NDE1: variants seen among roughly 807,000 people sequenced by gnomAD.
The protein encoded by NDE1 is nuclear distribution protein nudE homolog 1.
NDE1 carries 28 observed loss-of-function variants against 43.4 expected under a neutral mutation model. That is an observed-to-expected ratio of 0.65 (90% confidence interval 0.48 to 0.89). The LOEUF (loss-of-function observed/expected upper bound fraction) is 0.89. NDE1 is among the 40% of genes least tolerant of loss of function. The pLI, the probability that NDE1 is intolerant of heterozygous loss-of-function variation, is 0.00. For synonymous variants in NDE1, 184 were observed against 172.0 expected, an observed-to-expected ratio of 1.07 and a Z score of -0.55; for missense variants, 441 against 434.1, an observed-to-expected ratio of 1.02 and a Z score of -0.14.
At chr16:15,673,647 C>T (rs1008233775) in intron 3 of NDE1, among the ~76,000 whole-genome samples, 1 of 151,822 alleles carries the variant, frequency 6.6e-6, no homozygotes, top group Non-Finnish European at 1.5e-5. Context: ...GTCCTCCCAC[C>T]TCAGCCTCCC....
At chr16:15,664,634 C>G in intron 1 of NDE1, 102 bp from the exon 2 acceptor site, 2 of 704,858 alleles carry the variant, frequency 2.8e-6, no homozygotes. Flanking sequence ...GGATTATAGG[C>G]GTGAGCCACC....
intron 8 of NDE1, among the ~76,000 whole-genome samples, chr16:15,709,340 A>G (rs748076191): frequency 3.3e-5 from 5 of 151,480 alleles, no homozygotes; most frequent in Non-Finnish European, 5.9e-5. Flanking sequence ...CAGTTTTTTG[A>G]TACTCTGTCA....
rs138227089 is a variant in NDE1 at position 15,700,184 on chromosome 16, C to T, written c.947+3324C>T. ...TGATCTCAGCTCACTGCAACCTCCG[C>T]CTCCTGGGTTCAAACGGTTCTTGTT... is the stretch of plus-strand genomic sequence containing the variant. On this transcript the variant is annotated intron_variant, in intron 8 of 8. Transcript: ENST00000396354. 5.2e-3 allele frequency: 4,610 copies of T among 879,972 alleles called. 19 individuals are homozygous for T. Among genetic ancestry groups the T allele is most frequent in the Non-Finnish European group, 5.9e-3 (4,273 of 724,898 alleles). The allele number at this position is 879,972 out of a possible 1,614,324, so 54.5% of individuals were successfully genotyped here.
rs2040694943 is a variant in NDE1, at chr16:15,725,183, C to T, written c.*932C>T. On this transcript the variant is annotated 3_prime_UTR_variant, in exon 9 of 9. Coordinates refer to ENST00000396354, the MANE Select transcript of NDE1 (RefSeq NM_017668.3). ...CACACAAAAAAAACAGAATCTGTGG[C>T]TTGAAGGGAACTCCGTCACCTATGA... The T allele has an allele frequency of 1.6e-6, 1 of 628,654 alleles. No individual in the cohort carries two copies. Among genetic ancestry groups the T allele is most frequent in the Non-Finnish European group, 2.8e-6 (1 of 359,350 alleles). 38.9% of individuals were successfully genotyped at this position (628,654 alleles called of 1,614,324 possible).
intron 8 of NDE1, chr16:15,720,078 C>G: frequency 6.2e-7 from 1 of 1,602,926 alleles, no homozygotes. Context: ...GGAGCCCGCT[C>G]TGCTGACTTC....
chr16:15,717,488 A>G, intron 8 of NDE1: 1 of 832,514 alleles, frequency 1.2e-6, no homozygotes, highest in South Asian at 1.6e-5. Context: ...TCATCCTGTA[A>G]AACTCCACTC....
Position 15,687,390 on chromosome 16 carries a change from T to G in NDE1, c.402T>G (p.Ser134=). The G allele has an allele frequency of 2.5e-6, 4 of 1,614,174 alleles. No individual in the cohort carries two copies. Among genetic ancestry groups the G allele is most frequent in the African/African-American group, 1.3e-5 (1 of 75,052 alleles). The change falls in exon 5 of 9, where the codon TCT becomes TCG. Residue 134 remains serine (S), a synonymous_variant. Transcript: ENST00000396354. ...LERAKRATIM[S]LEDFEQRLNQ... is the part of the protein sequence containing the mutation. ...TCTTCGCCAGCGCCACGATCATGTC[T>G]CTCGAAGACTTTGAGCAGCGCTTGA... is the stretch of plus-strand genomic sequence containing the variant.
chr16:15,660,474 TA>T (rs34754504), intron 1 of NDE1, among the ~76,000 whole-genome samples: 11 of 150,260 alleles, frequency 7.3e-5, no homozygotes, highest in South Asian at 2.1e-4. Context: ...CCCTATCTCT[TA>T]AAAAAAAAAT....
intron 3 of NDE1, among the ~76,000 whole-genome samples, chr16:15,675,197 C>T (rs944905269): frequency 2.6e-5 from 4 of 151,944 alleles, no homozygotes; most frequent in Non-Finnish European, 4.4e-5. Flanking sequence ...TGCCCGCCCC[C>T]TCCCAGTCCC....
chr16:15,702,424 A>C (rs1464855942), intron 8 of NDE1, among the ~76,000 whole-genome samples: 1 of 152,068 alleles, frequency 6.6e-6, no homozygotes, highest in Admixed American at 6.6e-5. Context: ...ACAAGGTGTT[A>C]CTGTTACCTA....
At chr16:15,717,214 G>C in intron 8 of NDE1, 2 of 1,614,216 alleles carry the variant, frequency 1.2e-6, no homozygotes, top group Non-Finnish European at 1.7e-6. Flanking sequence ...ACTTGAACTT[G>C]GACTTGACGG....
chr16:15,718,396 G>A lies in NDE1; in HGVS notation c.948-5795G>A, dbSNP rs1439627120. The stretch of plus-strand genomic sequence containing the variant: ...CCTCCAGCTCCTCCTCCAGCTGGGC[G>A]ATCCGGGCCTCCAGGCGGCGCTTCT... On this transcript the variant is annotated intron_variant, in intron 8 of 8. Transcript: ENST00000396354. The A allele has an allele frequency of 1.6e-5, 25 of 1,598,850 alleles. No homozygotes were observed. The highest frequency in any genetic ancestry group is 2.7e-5 in the African/African-American group (2 of 74,818).
intron 1 of NDE1, among the ~76,000 whole-genome samples, chr16:15,654,016 C>T (rs1353457327): frequency 2.0e-5 from 3 of 152,024 alleles, no homozygotes; most frequent in South Asian, 4.2e-4. Context: ...CAGGCATGAG[C>T]CACCACACCC....
At chr16:15,707,287 C>T (rs1408251348) in intron 8 of NDE1, among the ~76,000 whole-genome samples, 2 of 152,154 alleles carry the variant, frequency 1.3e-5, no homozygotes, top group Non-Finnish European at 2.9e-5. Context: ...CCTCGGCCTC[C>T]CAAAGTGCTG....
intron 1 of NDE1, among the ~76,000 whole-genome samples, chr16:15,659,561 C>T (rs947675399): frequency 5.4e-5 from 8 of 149,202 alleles, no homozygotes; most frequent in African/African-American, 7.4e-5. Context: ...CTCAGCCTCC[C>T]GAGTAGTGGG....
chr16:15,670,650 T>G (rs1469311930), intron 3 of NDE1, among the ~76,000 whole-genome samples: 1 of 135,738 alleles, frequency 7.4e-6, no homozygotes, highest in Non-Finnish European at 1.6e-5. Flanking sequence ...AGAGCGAAAC[T>G]CTGTCTCAAA....
In NDE1 at chr16:15,725,286, A is replaced by T; in HGVS notation, c.*1035A>T. On this transcript the variant is annotated 3_prime_UTR_variant, in exon 9 of 9. Coordinates refer to ENST00000396354, the MANE Select transcript of NDE1 (RefSeq NM_017668.3). ...ATGGTATTGACTGGGACCTGATCCC[A>T]CTAAATGGATCCTAGATCCCTGCCA... 1.7e-6 allele frequency: 1 copy of T among 580,754 alleles called. No homozygotes were observed. The highest frequency in any genetic ancestry group is 3.0e-6 in the Non-Finnish European group (1 of 328,202). 36.0% of individuals were successfully genotyped at this position (580,754 alleles called of 1,614,324 possible).
At chr16:15,721,762 G>A in intron 8 of NDE1, 1 of 902,946 alleles carries the variant, frequency 1.1e-6, no homozygotes, top group Non-Finnish European at 1.8e-6. Flanking sequence ...GTGTAGGTTA[G>A]CTATGGGAGT....
At chr16:15,708,886 G>C (rs2039619445) in intron 8 of NDE1, 2 of 1,565,312 alleles carry the variant, frequency 1.3e-6, no homozygotes, top group Admixed American at 3.5e-5. Flanking sequence ...CAGCAAACAA[G>C]AAGGAGCCCG....
Sources: allele counts gnomAD v4.1 joint callset (sites outside exome capture counted in the v4.1 genomes callset), GRCh38; gene constraint gnomAD v4.1.1; transcripts MANE v1.5; gene names NCBI Gene and HGNC (gene_info 2026-07-23, HGNC 2026-07-21).